CREBBP: variants seen among roughly 807,000 people sequenced by gnomAD.
CREBBP encodes the protein CREB binding lysine acetyltransferase.
Under a neutral mutation model 265.0 loss-of-function variants are expected in CREBBP, and 19 were observed. That is an observed-to-expected ratio of 0.07 (90% CI 0.05 to 0.11). The LOEUF (loss-of-function observed/expected upper bound fraction) is 0.11, where lower values mean the gene tolerates loss of function less well. CREBBP is among the 10% of genes least tolerant of loss of function. CREBBP has a pLI of 1.00. For synonymous variants in CREBBP, 1,457 were observed against 1,223.7 expected (o/e 1.19, Z -3.98); for missense variants, 2,525 against 3,219.0 (o/e 0.78, Z 5.22).
intron 21 of CREBBP, among the ~76,000 whole-genome samples, chr16:3,746,409 TGACA>T (rs2052344169): frequency 6.6e-6 from 1 of 152,052 alleles, no homozygotes. Flanking sequence ...TGGCACTCTC[TGACA>T]GCCCGGCTCT....
At chr16:3,745,611 G>C in intron 21 of CREBBP, 4 of 521,616 alleles carry the variant, frequency 7.7e-6, no homozygotes, top group South Asian at 6.4e-5. Context: ...CAACCAGAAA[G>C]GAAACTTTAC....
chr16:3,876,421 A>AAAAAAAAAAAAAAAAAAAC, intron 1 of CREBBP, among the ~76,000 whole-genome samples: 2 of 149,968 alleles, frequency 1.3e-5, no homozygotes, highest in African/African-American at 5.0e-5. Context: ...AAAAAAAAAA[A>AAAAAAAAAAAAAAAAAAAC]AAAAACAACC....
At chr16:3,733,361 CAAAAA>C (rs373861759) in intron 28 of CREBBP, among the ~76,000 whole-genome samples, 1 of 81,774 alleles carries the variant, frequency 1.2e-5, no homozygotes. Context: ...GACTCCATCT[CAAAAA>C]AAAAAAAAAA....
chr16:3,807,375 A>G (rs1310519657), intron 3 of CREBBP, among the ~76,000 whole-genome samples: 1 of 152,114 alleles, frequency 6.6e-6, no homozygotes, highest in Non-Finnish European at 1.5e-5. Flanking sequence ...TTAGTTGGGT[A>G]CCCCCTAAAG....
chr16:3,741,451 A>G (rs367735271), intron 23 of CREBBP: 1 of 152,256 alleles, frequency 6.6e-6, no homozygotes, highest in East Asian at 1.9e-4. Context: ...ATTTTTCTGC[A>G]ATAAACAAAC....
chr16:3,851,981 T>A (rs1166231498), intron 1 of CREBBP, among the ~76,000 whole-genome samples: 8 of 118,528 alleles, frequency 6.7e-5, no homozygotes, highest in African/African-American at 2.7e-4. Flanking sequence ...GAGCTTGCAG[T>A]GAGCTGAGAT....
intron 2 of CREBBP, among the ~76,000 whole-genome samples, chr16:3,832,336 A>C (rs2054359503): frequency 6.6e-6 from 1 of 152,188 alleles, no homozygotes; most frequent in Non-Finnish European, 1.5e-5. Flanking sequence ...TGAAGCCAGT[A>C]TATTATTGTT....
intron 2 of CREBBP, among the ~76,000 whole-genome samples, chr16:3,811,954 T>C (rs2041826991): frequency 6.6e-6 from 1 of 152,098 alleles, no homozygotes; most frequent in Admixed American, 6.6e-5. Flanking sequence ...TAAACTTTTA[T>C]GGAGTCAAAA....
In CREBBP at chr16:3,879,958, GGCCGGCGAGGGC is replaced by G. The variant is rs1396772207; in HGVS notation, c.-54_-43del. 1.3e-6 allele frequency: 2 copies of G among 1,574,066 alleles called. No homozygotes were observed. Among genetic ancestry groups the G allele is most frequent in the African/African-American group, 2.7e-5 (2 of 73,448 alleles). ...AAACAGCCCCGGGCACGGGCGGCCG[GGCCGGCGAGGGC>G]CCGGACGGGGGTCGGGGGCCCTGCC... On this transcript the variant is annotated 5_prime_UTR_variant, in exon 1 of 31. Coordinates refer to ENST00000262367, the MANE Select transcript of CREBBP (RefSeq NM_004380.3).
chr16:3,859,633 G>C (rs759066395), intron 1 of CREBBP, among the ~76,000 whole-genome samples: 1 of 152,118 alleles, frequency 6.6e-6, no homozygotes, highest in African/African-American at 2.4e-5. Context: ...TAATTTCCAG[G>C]GAAGGGAGAG....
chr16:3,763,324 A>G (rs929084562), intron 16 of CREBBP, among the ~76,000 whole-genome samples: 4 of 151,480 alleles, frequency 2.6e-5, no homozygotes, highest in East Asian at 1.9e-4. Flanking sequence ...ATAACCAGCT[A>G]TTTTCTTATT....
intron 2 of CREBBP, among the ~76,000 whole-genome samples, chr16:3,831,019 A>G (rs2054332997): frequency 6.6e-6 from 1 of 152,166 alleles, no homozygotes; most frequent in Admixed American, 6.5e-5. Context: ...AACTCAAGTG[A>G]TCTGTCCGCC....
At chr16:3,742,119 C>A (rs2052230635) in intron 23 of CREBBP, 2 of 152,076 alleles carry the variant, frequency 1.3e-5, no homozygotes, top group African/African-American at 2.4e-5. Flanking sequence ...AAAAAAACCC[C>A]CCAAAAAAAC....
At chr16:3,828,087 C>CTT (rs374411381) in intron 2 of CREBBP, among the ~76,000 whole-genome samples, 1 of 148,904 alleles carries the variant, frequency 6.7e-6, no homozygotes, top group Non-Finnish European at 1.5e-5. Context: ...AAGCTGACTT[C>CTT]TTTTTTTTTT....
At position 3,875,304 on chromosome 16, in the gene CREBBP, C is replaced by T. The variant is rs555394463; in HGVS notation, c.85+4528G>A. On this transcript the variant is annotated intron_variant, in intron 1 of 30. Coordinates refer to ENST00000262367, the MANE Select transcript of CREBBP (RefSeq NM_004380.3). ...TTGAATGGGGCCACCGCTCTCACCCCTCTCAGTTATTCAAAAACGAAGCAC... is the reference window on the plus strand; with the variant it reads ...TTGAATGGGGCCACCGCTCTCACCCTTCTCAGTTATTCAAAAACGAAGCAC... Among the ~76,000 whole-genome samples the T allele has an allele frequency of 1.4e-3, 214 of 152,340 alleles. 1 individual carries two copies. Among genetic ancestry groups the T allele is most frequent in the Non-Finnish European group, 2.3e-3 (159 of 68,040 alleles).
rs775493176 is a variant in CREBBP at position 3,731,935 on chromosome 16, G to A, written c.4731C>T (p.Gly1577=). The A allele has an allele frequency of 3.1e-6, 5 of 1,614,094 alleles. No homozygotes were observed. The highest frequency in any genetic ancestry group is 2.2e-5 in the East Asian group (1 of 44,896). ...ESTAASETTE[G]SQGDSKNAKK... ...TGGCATTCTTGCTGTCGCCCTGACT[G>A]CCCTGCAACAACACGCAAGGCTGTG... is the stretch of plus-strand genomic sequence containing the variant. Residue 1577 remains glycine (G), a splice_region_variant and synonymous_variant, in exon 29 of 31, where the codon GGC becomes GGT. Transcript: ENST00000262367. The surrounding 1 kb of genome is among the most constrained non-coding windows in gnomAD (Gnocchi z 7.7).
rs141869477 is a variant in CREBBP, at chr16:3,749,632, G to A, written c.3831C>T (p.Pro1277=). Residue 1277 remains proline (P), a synonymous_variant, in exon 21 of 31, where the codon CCC becomes CCT. Coordinates refer to ENST00000262367, the MANE Select transcript of CREBBP (RefSeq NM_004380.3). ...AGAAATAGCTATATACTTACGGTTC[G>A]GGGTCTAAGGTATCATTTTTCTTCT... is the stretch of plus-strand genomic sequence containing the variant. ...FEKKKNDTLD[P]EPFVDCKECG... The A allele has an allele frequency of 2.1e-4, 330 of 1,603,892 alleles. 1 individual carries two copies. In the African/African-American group the frequency reaches 3.6e-3, roughly 17 times the overall value.
intron 28 of CREBBP, 128 bp downstream of exon 28, chr16:3,735,908 T>G (rs2052044964): frequency 6.9e-7 from 1 of 1,458,332 alleles, no homozygotes; most frequent in Admixed American, 1.7e-5. Context: ...GCAGGTGGTG[T>G]CGACGTGCAT....
intron 1 of CREBBP, among the ~76,000 whole-genome samples, chr16:3,870,388 C>G (rs991561315): frequency 2.0e-5 from 3 of 152,180 alleles, no homozygotes; most frequent in African/African-American, 7.2e-5. Context: ...ACTCTGTTTT[C>G]AATAAAATAC....
Sources: allele counts gnomAD v4.1 joint callset (sites outside exome capture counted in the v4.1 genomes callset), GRCh38; gene constraint gnomAD v4.1.1; non-coding constraint Gnocchi (gnomAD v3.1); transcripts MANE v1.5; gene names NCBI Gene and HGNC (gene_info 2026-07-23, HGNC 2026-07-21).